YAF2: variants seen among roughly 807,000 people sequenced by gnomAD.
YAF2 encodes the protein YY1 associated factor 2.
A neutral mutation model predicts 20.1 loss-of-function variants in YAF2; 7 were observed. The observed-to-expected ratio is 0.35, with a 90% CI of 0.20 to 0.65. The LOEUF is 0.65. Among genes scored for constraint, YAF2 ranks in the 30% least tolerant of loss-of-function variants. The pLI is 0.69. For synonymous variants in YAF2, 74 were observed against 76.0 expected (o/e 0.97, Z 0.14); for missense variants, 151 against 219.2 (o/e 0.69, Z 1.96).
chr12:42,177,087 C>G (rs1305466285), intron 2 of YAF2, among the ~76,000 whole-genome samples: 1 of 152,322 alleles, frequency 6.6e-6, no homozygotes. Flanking sequence ...TAAAACCACC[C>G]AATGGGCTCC....
chr12:42,210,316 GA>G (rs951162282), intron 2 of YAF2: 62 of 1,377,966 alleles, frequency 4.5e-5, no homozygotes, highest in Middle Eastern at 2.2e-4. Flanking sequence ...AATTTGGGGG[GA>G]AAAAAAATCT....
At chr12:42,169,693 G>A (rs1336382869) in intron 2 of YAF2, among the ~76,000 whole-genome samples, 1 of 151,176 alleles carries the variant, frequency 6.6e-6, no homozygotes, top group Admixed American at 6.6e-5. Flanking sequence ...GATTAGAGGT[G>A]TGAACCACCG....
chr12:42,182,345 G>C (rs1377337681), intron 2 of YAF2, among the ~76,000 whole-genome samples: 1 of 151,952 alleles, frequency 6.6e-6, no homozygotes, highest in East Asian at 1.9e-4. Context: ...AGGTATTTTT[G>C]CTTTACAGTT....
chr12:42,208,122 T>C (rs1409181988), intron 2 of YAF2, among the ~76,000 whole-genome samples: 1 of 152,156 alleles, frequency 6.6e-6, no homozygotes, highest in East Asian at 1.9e-4. Flanking sequence ...AAAAGAGCTG[T>C]ATATTTTTAA....
chr12:42,216,784 A>G (rs549558387), intron 2 of YAF2, among the ~76,000 whole-genome samples: 1 of 152,182 alleles, frequency 6.6e-6, no homozygotes, highest in African/African-American at 2.4e-5. Context: ...AATTCAACAA[A>G]TCTATAGGCA....
In YAF2 at chr12:42,214,491, C is replaced by T. The variant is rs1470216325; in HGVS notation, c.152+23108G>A. ...TTTGCCACGTTGCCCAGGCTGGTCT[C>T]GAACTCCTGAGCTAAAGTGATCCAA... On this transcript the variant is annotated intron_variant, in intron 2 of 3. Transcript: ENST00000534854. Among the ~76,000 whole-genome samples, 5 of 152,000 alleles carry T rather than the reference C, an allele frequency of 3.3e-5. No individual in the cohort carries two copies. In the East Asian group the frequency reaches 7.9e-4, roughly 24 times the overall value.
In YAF2 at chr12:42,204,020, C is replaced by T. The variant is rs115091934; in HGVS notation, c.152+33579G>A. Among the ~76,000 whole-genome samples the T allele has an allele frequency of 2.3e-3, 345 of 152,222 alleles. 1 individual carries two copies. The highest frequency in any genetic ancestry group is 7.9e-3 in the African/African-American group (329 of 41,532). On this transcript the variant is annotated intron_variant, in intron 2 of 3. Transcript: ENST00000534854. ...ACACTATGATCATGCCTGTGAATAG[C>T]CACTGCACTGCACTACAGCCTCAAC...
chr12:42,235,314 T>C, intron 2 of YAF2: 1 of 998,678 alleles, frequency 1.0e-6, no homozygotes, highest in Non-Finnish European at 1.2e-6. Context: ...TTCCAACTAC[T>C]GAAACTTTTG....
chr12:42,204,001 T>C lies in YAF2; in HGVS notation c.152+33598A>G, dbSNP rs1172795783. 2.0e-5 allele frequency among the ~76,000 whole-genome samples: 3 copies of C among 152,270 alleles called. No homozygotes were observed. The East Asian group carries it at 5.8e-4, about 29-fold the overall frequency. ...GCCAGTTTGAAGCTGCAGTACACTA[T>C]GATCATGCCTGTGAATAGCCACTGC... On this transcript the variant is annotated intron_variant, in intron 2 of 3. Coordinates refer to ENST00000534854, the MANE Select transcript of YAF2 (RefSeq NM_005748.6).
chr12:42,185,874 C>T (rs2066459362), intron 2 of YAF2, among the ~76,000 whole-genome samples: 1 of 152,126 alleles, frequency 6.6e-6, no homozygotes, highest in African/African-American at 2.4e-5. Flanking sequence ...AGATATAGGG[C>T]ACAATACAAT....
intron 2 of YAF2, among the ~76,000 whole-genome samples, chr12:42,226,848 G>A (rs1180395036): frequency 6.6e-6 from 1 of 151,432 alleles, no homozygotes; most frequent in Non-Finnish European, 1.5e-5. Context: ...ATCTTGAGAG[G>A]AGGTCGCGGC....
intron 2 of YAF2, chr12:42,232,773 A>C (rs950357185): frequency 1.0e-5 from 10 of 979,336 alleles, no homozygotes; most frequent in Non-Finnish European, 1.2e-5. Context: ...AGTTGGTTTA[A>C]GCTTCTTTCA....
intron 2 of YAF2, among the ~76,000 whole-genome samples, chr12:42,221,129 T>A (rs1037961905): frequency 2.0e-5 from 3 of 152,204 alleles, no homozygotes; most frequent in African/African-American, 7.2e-5. Context: ...GTTCTTAAGT[T>A]CTCATATTAT....
At chr12:42,177,804 T>C (rs188668356) in intron 2 of YAF2, among the ~76,000 whole-genome samples, 3 of 152,200 alleles carry the variant, frequency 2.0e-5, no homozygotes, top group African/African-American at 7.2e-5. Flanking sequence ...CTTTTTTTAC[T>C]GTATATGAAT....
At chr12:42,232,471 A>C (rs192284267) in intron 2 of YAF2, 247 of 985,412 alleles carry the variant, frequency 2.5e-4, no homozygotes, top group Admixed American at 8.0e-4. Flanking sequence ...ACCCATATAC[A>C]ATTAACCAGT....
intron 2 of YAF2, among the ~76,000 whole-genome samples, chr12:42,214,685 G>T (rs189006707): frequency 1.3e-4 from 20 of 151,568 alleles, no homozygotes; most frequent in African/African-American, 4.6e-4. Flanking sequence ...TTTTTTTTTG[G>T]TATTTTTTTG....
intron 2 of YAF2, among the ~76,000 whole-genome samples, chr12:42,212,674 G>A (rs2067246435): frequency 6.6e-6 from 1 of 152,142 alleles, no homozygotes; most frequent in African/African-American, 2.4e-5. Flanking sequence ...CCTGTTATGA[G>A]GTCATATTTG....
intron 2 of YAF2, among the ~76,000 whole-genome samples, chr12:42,184,571 A>T (rs538535111): frequency 6.6e-6 from 1 of 152,252 alleles, no homozygotes; most frequent in Non-Finnish European, 1.5e-5. Flanking sequence ...CAGCCTCTCA[A>T]AGTGCCGGGA....
At chr12:42,217,659 CAA>C (rs1039421982) in intron 2 of YAF2, among the ~76,000 whole-genome samples, 1 of 151,826 alleles carries the variant, frequency 6.6e-6, no homozygotes, top group African/African-American at 2.4e-5. Flanking sequence ...TAATTACCAC[CAA>C]AAAAATCACA....
Sources: gnomAD v4.1 joint callset for allele counts (sites outside exome capture counted in the v4.1 genomes callset) on GRCh38, gnomAD v4.1.1 for gene constraint, MANE v1.5 for transcripts, NCBI Gene and HGNC (gene_info 2026-07-23, HGNC 2026-07-21) for gene names.